TIMM50: variants seen among roughly 807,000 people sequenced by gnomAD.
TIMM50 encodes mitochondrial import inner membrane translocase subunit TIM50.
In TIMM50, 34 loss-of-function variants were observed where a neutral mutation model predicts 49.6. The observed-to-expected ratio is 0.69, with a 90% CI of 0.52 to 0.91. TIMM50 has a LOEUF of 0.91. TIMM50 is among the 40% of genes least tolerant of loss of function. The pLI is 0.00. For missense variants in TIMM50, 458 were observed against 477.8 expected (o/e 0.96, Z 0.39); for synonymous variants, 199 against 198.4 (o/e 1.00, Z -0.03).
intron 4 of TIMM50, chr19:39,483,531 C>T (rs895586456): frequency 9.2e-6 from 2 of 218,034 alleles, no homozygotes; most frequent in Non-Finnish European, 1.8e-5. Context: ...AACTATGCCG[C>T]CTTCCTCTCT....
intron 8 of TIMM50, among the ~76,000 whole-genome samples, chr19:39,487,835 GC>G (rs1486188455): frequency 6.6e-6 from 1 of 151,794 alleles, no homozygotes; most frequent in Non-Finnish European, 1.5e-5. Context: ...CAGGTGATCC[GC>G]CCGCCTCGGC....
At chr19:39,487,921 G>GC in intron 8 of TIMM50, 140 bp from the exon 9 acceptor site, 1 of 1,312,702 alleles carries the variant, frequency 7.6e-7, no homozygotes, top group Non-Finnish European at 1.0e-6. Context: ...ATCATCCAAA[G>GC]CCGGTCTTTG....
At chr19:39,486,856 G>T (rs534366670) in intron 8 of TIMM50, among the ~76,000 whole-genome samples, 5 of 152,134 alleles carry the variant, frequency 3.3e-5, no homozygotes, top group African/African-American at 1.2e-4. Context: ...TGTTTGACCC[G>T]GGCTCTGTTA....
At chr19:39,485,884 G>T in intron 6 of TIMM50, 77 bp downstream of exon 6, 2 of 1,581,756 alleles carry the variant, frequency 1.3e-6, no homozygotes, top group South Asian at 2.3e-5. Context: ...TTCAGCCCTG[G>T]CTGTGCTATG....
intron 1 of TIMM50, chr19:39,481,182 T>C: frequency 1.7e-6 from 1 of 592,318 alleles, no homozygotes; most frequent in Non-Finnish European, 2.8e-6. Context: ...CCCACGTGGG[T>C]GCCGGAGGAG....
In TIMM50 at chr19:39,485,730, C is replaced by T. The variant is rs1289243533; in HGVS notation, c.415C>T (p.Leu139=). 2.5e-6 allele frequency: 4 copies of T among 1,614,174 alleles called. No individual in the cohort carries two copies. In the Admixed American group the frequency reaches 5.0e-5, roughly 20 times the overall value. The change falls in exon 6 of 11, where the codon CTG becomes TTG. Residue 139 remains leucine (L), a synonymous_variant. Transcript: ENST00000607714. ...CAGCCCTTGCCTTCTCCCAGACCCT[C>T]TGCAGGAACCGTACTACCAGCCACC... ...PTSPCLLPDP[L]QEPYYQPPYT...
At chr19:39,488,351 T>C in intron 9 of TIMM50, 134 bp downstream of exon 9, 1 of 1,191,166 alleles carries the variant, frequency 8.4e-7, no homozygotes, top group Non-Finnish European at 1.2e-6. Context: ...CTTTAGGAGC[T>C]TCTTAGGATG....
intron 3 of TIMM50, 46 bp from the exon 4 acceptor site, chr19:39,483,089 C>T: frequency 6.2e-7 from 1 of 1,613,758 alleles, no homozygotes; most frequent in South Asian, 1.1e-5. Context: ...TGATGGGGTT[C>T]TGCCTCTGAC....
chr19:39,481,216 C>T (rs1028287384), intron 1 of TIMM50: 2 of 543,800 alleles, frequency 3.7e-6, no homozygotes, highest in Non-Finnish European at 6.4e-6. Context: ...TTCCCCGTTT[C>T]AGTGACCACT....
chr19:39,481,917 CG>C lies in TIMM50; in HGVS notation c.144del (p.Gln49LysfsTer32). 6.2e-7 allele frequency: 1 copy of C among 1,614,038 alleles called. No individual in the cohort carries two copies. The highest frequency in any genetic ancestry group is 1.1e-5 in the South Asian group (1 of 91,088). The stretch of plus-strand genomic sequence containing the variant: ...ATCGGGAGCCGCGGGAGCACTAAGG[CG>C]CAAGGGCCACAGCAGCAGCCGGGCT... ...AEIGSRGSTK[A>X]QGPQQQPGSE... On this transcript the variant is annotated frameshift_variant, in exon 2 of 11. Coordinates refer to ENST00000607714, the MANE Select transcript of TIMM50 (RefSeq NM_001001563.5). LOFTEE classifies it high-confidence loss of function.
At position 39,489,963 on chromosome 19, in the gene TIMM50, G is replaced by A; in HGVS notation, c.*143G>A. ...GAGAGTCTCCAGATGGGGGCATCAG[G>A]GTGAGGTCCGGGACTCTTGGGTCAT... is the stretch of plus-strand genomic sequence containing the variant. On this transcript the variant is annotated 3_prime_UTR_variant, in exon 11 of 11. Coordinates refer to ENST00000607714, the MANE Select transcript of TIMM50 (RefSeq NM_001001563.5). 1 of 778,266 alleles carries A rather than the reference G, an allele frequency of 1.3e-6. No individual in the cohort carries two copies. The highest frequency in any genetic ancestry group is 2.1e-6 in the Non-Finnish European group (1 of 477,668). 48.2% of individuals were successfully genotyped at this position (778,266 alleles called of 1,614,324 possible).
At chr19:39,484,796 T>TCA (rs2079493607) in intron 4 of TIMM50, among the ~76,000 whole-genome samples, 1 of 151,950 alleles carries the variant, frequency 6.6e-6, no homozygotes, top group South Asian at 2.1e-4. Flanking sequence ...GTGTGGTGGC[T>TCA]CACGCCTGTA....
intron 4 of TIMM50, 105 bp from the exon 5 acceptor site, chr19:39,485,439 G>A: frequency 7.3e-7 from 1 of 1,377,816 alleles, no homozygotes; most frequent in South Asian, 1.2e-5. Context: ...AAACCAGGCA[G>A]ATATGCAGAC....
Position 39,493,755 on chromosome 19 carries a change from G to C in TIMM50, c.*3935G>C, listed in dbSNP as rs1372292549. On this transcript the variant is annotated 3_prime_UTR_variant, in exon 11 of 11. Coordinates refer to ENST00000607714, the MANE Select transcript of TIMM50 (RefSeq NM_001001563.5). ...TCGGACTCAGCCCACCTGCACCCAGGTGAAATAAACAGCTTTATTGCTCAC... is the reference window on the plus strand; with the variant it reads ...TCGGACTCAGCCCACCTGCACCCAGCTGAAATAAACAGCTTTATTGCTCAC... 1 of 152,140 alleles carries C rather than the reference G, an allele frequency of 6.6e-6. No homozygotes were observed. The highest frequency in any genetic ancestry group is 1.5e-5 in the Non-Finnish European group (1 of 68,048). 9.4% of individuals were successfully genotyped at this position (152,140 alleles called of 1,614,324 possible). A position where few individuals can be genotyped will look rare whatever the true frequency, so the allele number is the denominator to read the frequency against.
intron 8 of TIMM50, among the ~76,000 whole-genome samples, chr19:39,487,582 C>T (rs924870360): frequency 7.2e-5 from 11 of 151,980 alleles, no homozygotes; most frequent in Non-Finnish European, 7.4e-5. Context: ...CTCAGCCTCC[C>T]GAGTAGCTGG....
intron 10 of TIMM50, 145 bp downstream of exon 10, chr19:39,488,790 G>C: frequency 1.5e-6 from 1 of 650,080 alleles, no homozygotes; most frequent in Admixed American, 2.6e-5. Flanking sequence ...TAACCAGGGG[G>C]ATATAACACA....
At chr19:39,482,107 C>G (rs561238626) in intron 2 of TIMM50, 74 bp downstream of exon 2, 4 of 1,551,440 alleles carry the variant, frequency 2.6e-6, no homozygotes, top group African/African-American at 2.7e-5. Flanking sequence ...CCCACTCTTG[C>G]CCACTACCAG....
chr19:39,482,544 C>A (rs1239049295), intron 2 of TIMM50, among the ~76,000 whole-genome samples: 3 of 151,942 alleles, frequency 2.0e-5, no homozygotes, highest in Non-Finnish European at 2.9e-5. Context: ...CCTGTAGTCT[C>A]AGCTACTCGG....
At chr19:39,488,476 C>T (rs1370022663) in intron 9 of TIMM50, 63 bp from the exon 10 acceptor site, 2 of 1,494,498 alleles carry the variant, frequency 1.3e-6, no homozygotes, top group East Asian at 2.3e-5. Context: ...ACGTTCCCCT[C>T]ATGGGCCCTG....
Sources: gnomAD v4.1 joint callset for allele counts (sites outside exome capture counted in the v4.1 genomes callset) on GRCh38, gnomAD v4.1.1 for gene constraint, MANE v1.5 for transcripts, NCBI Gene and HGNC (gene_info 2026-07-23, HGNC 2026-07-21) for gene names.